CCDC110: variants seen among roughly 807,000 people sequenced by gnomAD.
CCDC110 encodes the protein coiled-coil domain-containing protein 110.
Under a neutral mutation model 77.1 loss-of-function variants are expected in CCDC110, and 70 were observed. The observed-to-expected ratio is 0.91, with a 90% confidence interval of 0.75 to 1.11. The LOEUF is 1.11. Among genes scored for constraint, CCDC110 ranks in the 50% least tolerant of loss-of-function variants. The probability of loss-of-function intolerance (pLI) is 0.00; values close to 1 mark genes in which losing one functional copy is unlikely to be tolerated. For synonymous variants in CCDC110, 295 were observed against 312.5 expected, an observed-to-expected ratio of 0.94 and a Z score of 0.59; for missense variants, 868 against 942.9, an observed-to-expected ratio of 0.92 and a Z score of 1.04.
At chr4:185,465,675 C>T (rs1416557831) in intron 2 of CCDC110, among the ~76,000 whole-genome samples, 1 of 152,156 alleles carries the variant, frequency 6.6e-6, no homozygotes, top group Non-Finnish European at 1.5e-5. Context: ...GGTCACTCTG[C>T]TACATGATAA....
chr4:185,463,365 A>T (rs780451851), intron 2 of CCDC110, among the ~76,000 whole-genome samples: 13 of 152,202 alleles, frequency 8.5e-5, no homozygotes, highest in Non-Finnish European at 2.9e-5. Flanking sequence ...AAAAAACCTA[A>T]TAATGCTCAT....
intron 2 of CCDC110, among the ~76,000 whole-genome samples, chr4:185,469,538 T>C (rs1012285214): frequency 2.0e-5 from 3 of 152,260 alleles, no homozygotes; most frequent in Admixed American, 6.5e-5. Context: ...ACATGCTCTC[T>C]TTGAGGTAAA....
chr4:185,470,537 C>T, intron 2 of CCDC110: 1 of 382,950 alleles, frequency 2.6e-6, no homozygotes, highest in Admixed American at 2.8e-5. Flanking sequence ...GGGCTGACTG[C>T]ATATCGTTTT....
chr4:185,451,345 G>A (rs1226588246), intron 6 of CCDC110, among the ~76,000 whole-genome samples: 1 of 152,194 alleles, frequency 6.6e-6, no homozygotes, highest in Non-Finnish European at 1.5e-5. Context: ...CTGGAAATGA[G>A]TTTGTAGAAG....
rs757856461 is a variant in CCDC110 at position 185,458,191 on chromosome 4, AAATGG to A, written c.2391_2395del (p.His798Ter). ...AGTATCTTCGTGAGTATAGTTGTCAAAATGGAATTTCTCTCTTCTTGAAATGTAAG... is the reference window on the plus strand; with the variant it reads ...AGTATCTTCGTGAGTATAGTTGTCAAAATTTCTCTCTTCTTGAAATGTAAG... On this transcript the variant is annotated frameshift_variant, in exon 6 of 7. Transcript: ENST00000307588. LOFTEE classifies it high-confidence loss of function. The A allele has an allele frequency of 7.5e-6, 12 of 1,605,076 alleles. No homozygotes were observed. Among genetic ancestry groups the A allele is most frequent in the Admixed American group, 3.5e-5 (2 of 57,184 alleles).
At chr4:185,471,505 G>T (rs1300483547) in intron 1 of CCDC110, 169 bp downstream of exon 1, 2 of 660,698 alleles carry the variant, frequency 3.0e-6, no homozygotes, top group Admixed American at 3.4e-5. Context: ...GACGCAGGGG[G>T]CCGCAGCGGG....
At position 185,468,248 on chromosome 4, in the gene CCDC110, C is replaced by G. The variant is rs755142738; in HGVS notation, c.115+2697G>C. Among the ~76,000 whole-genome samples, 1 of 152,210 alleles carries G rather than the reference C, an allele frequency of 6.6e-6. No individual in the cohort carries two copies. The highest frequency in any genetic ancestry group is 1.5e-5 in the Non-Finnish European group (1 of 68,034). On this transcript the variant is annotated intron_variant, in intron 2 of 6. Coordinates refer to ENST00000307588, the MANE Select transcript of CCDC110 (RefSeq NM_152775.4). The surrounding 1 kb of genome is among the most constrained non-coding windows in gnomAD (Gnocchi z 4.5). ...TTGAATTCTAGCTTTGCCACACACT[C>G]GCAGTGAGGGGATAACTCTAGGCGA...
chr4:185,462,871 T>G (rs968834980), intron 3 of CCDC110, 123 bp downstream of exon 3: 31 of 1,041,770 alleles, frequency 3.0e-5, no homozygotes, highest in Non-Finnish European at 4.5e-5. Flanking sequence ...CCCAATGTGC[T>G]TTCATGGAGA....
chr4:185,447,475 C>G (rs140170586), intron 6 of CCDC110, among the ~76,000 whole-genome samples: 3 of 152,158 alleles, frequency 2.0e-5, no homozygotes, highest in Non-Finnish European at 4.4e-5. Flanking sequence ...CCACCACGCC[C>G]GGCCGATTTT....
At chr4:185,449,799 C>T (rs2153317483) in intron 6 of CCDC110, 1 of 507,922 alleles carries the variant, frequency 2.0e-6, no homozygotes, top group Non-Finnish European at 3.5e-6. Context: ...TTTAATACTA[C>T]TAGTTAATAA....
chr4:185,471,661 G>A lies in CCDC110; in HGVS notation c.10+13C>T. ...GCGGCTCCCCTAGGAGCCCCGCCCC[G>A]TCCAACTCTTACCCGGGCTCATCGC... On this transcript the variant is annotated intron_variant, in intron 1 of 6. Coordinates refer to ENST00000307588, the MANE Select transcript of CCDC110 (RefSeq NM_152775.4). 3 of 1,564,580 alleles carry A rather than the reference G, an allele frequency of 1.9e-6. No homozygotes were observed. Among genetic ancestry groups the A allele is most frequent in the Non-Finnish European group, 2.6e-6 (3 of 1,159,464 alleles).
chr4:185,457,984 C>A, intron 6 of CCDC110, 142 bp downstream of exon 6: 1 of 641,632 alleles, frequency 1.6e-6, no homozygotes, highest in Non-Finnish European at 2.4e-6. Flanking sequence ...AATAATTTCA[C>A]TGTATAATAA....
At chr4:185,469,212 G>A (rs2095661424) in intron 2 of CCDC110, among the ~76,000 whole-genome samples, 1 of 152,216 alleles carries the variant, frequency 6.6e-6, no homozygotes, top group South Asian at 2.1e-4. Flanking sequence ...GACAATGAAA[G>A]CATCAGTAGG....
rs2095659463 is a variant in CCDC110 at position 185,468,125 on chromosome 4, T to C, written c.115+2820A>G. Among the ~76,000 whole-genome samples the C allele has an allele frequency of 6.6e-6, 1 of 152,226 alleles. No homozygotes were observed. Among genetic ancestry groups the C allele is most frequent in the African/African-American group, 2.4e-5 (1 of 41,464 alleles). On this transcript the variant is annotated intron_variant, in intron 2 of 6. Transcript: ENST00000307588. This position sits in a 1 kb window ranked among gnomAD's most constrained non-coding sequence, Gnocchi z 4.5. ...ATTCAAGTTCATTCCTAGATGTCCC[T>C]GTCTTACAAAGCTTTGTGAGGTGTG...
In CCDC110 at chr4:185,459,424, G is replaced by A. The variant is rs2095641898; in HGVS notation, c.1163C>T (p.Thr388Ile). 1 of 1,612,308 alleles carries A rather than the reference G, an allele frequency of 6.2e-7. No individual in the cohort carries two copies. Among genetic ancestry groups the A allele is most frequent in the Non-Finnish European group, 8.5e-7 (1 of 1,178,896 alleles). The change falls in exon 6 of 7, where the codon ACA becomes ATA. Residue 388 changes from threonine (T) to isoleucine (I), a missense_variant. Physicochemically the swap from Thr to Ile is moderately conservative, Grantham distance 89 (BLOSUM62 -1). Coordinates refer to ENST00000307588, the MANE Select transcript of CCDC110 (RefSeq NM_152775.4). ...TTCTTTGTCTTTCATTTCATGTTTT[G>A]TTTGGTCGAGGAAGGACAGTGTGTA... Reference protein sequence around the residue: ...PRYTLSFLDQTKHEMKDKERQ... With the variant: ...PRYTLSFLDQIKHEMKDKERQ...
In CCDC110 at chr4:185,461,164, A is replaced by C. The variant is rs1424006992; in HGVS notation, c.238-5T>G. 7.0e-7 allele frequency: 1 copy of C among 1,432,836 alleles called. No homozygotes were observed. Among genetic ancestry groups the C allele is most frequent in the Non-Finnish European group, 9.7e-7 (1 of 1,035,884 alleles). 88.8% of individuals were successfully genotyped at this position (1,432,836 alleles called of 1,614,324 possible). A position where few individuals can be genotyped will look rare whatever the true frequency, so the allele number is the denominator to read the frequency against. ...TTCACTGATTTCCGACTGTACCTTT[A>C]AAAGATAAATTGAGAAAAATTTGAT... is the stretch of plus-strand genomic sequence containing the variant. On this transcript the variant is annotated splice_region_variant and splice_polypyrimidine_tract_variant and intron_variant, in intron 4 of 6. Transcript: ENST00000307588.
At chr4:185,446,519 A>G (rs1006257127) in intron 6 of CCDC110, among the ~76,000 whole-genome samples, 8 of 152,120 alleles carry the variant, frequency 5.3e-5, no homozygotes, top group African/African-American at 9.7e-5. Flanking sequence ...TATGTATCCA[A>G]TTTTCTGACT....
intron 1 of CCDC110, 66 bp from the exon 2 acceptor site, chr4:185,471,115 C>A: frequency 1.4e-5 from 1 of 68,976 alleles, no homozygotes; most frequent in South Asian, 1.3e-4. Flanking sequence ...AAGGTGGGGG[C>A]GGGGCAGAGG....
At chr4:185,455,698 C>G (rs2095635021) in intron 6 of CCDC110, among the ~76,000 whole-genome samples, 1 of 152,074 alleles carries the variant, frequency 6.6e-6, no homozygotes, top group African/African-American at 2.4e-5. Context: ...GTCTGGCCAA[C>G]ATGGTGAAAC....
Sources: gnomAD v4.1 joint callset for allele counts (sites outside exome capture counted in the v4.1 genomes callset) on GRCh38, gnomAD v4.1.1 for gene constraint, Gnocchi (gnomAD v3.1) non-coding constraint, MANE v1.5 for transcripts, NCBI Gene and HGNC (gene_info 2026-07-23, HGNC 2026-07-21) for gene names.